EML6: variants seen among roughly 807,000 people sequenced by gnomAD.
EML6 encodes echinoderm microtubule-associated protein-like 6.
A neutral mutation model predicts 240.1 loss-of-function variants in EML6; 154 were observed. The observed-to-expected ratio is 0.64, with a 90% CI of 0.56 to 0.73. The LOEUF is 0.73. EML6 is among the 30% of genes least tolerant of loss of function. The probability of loss-of-function intolerance (pLI) is 0.00; values close to 1 mark genes in which losing one functional copy is unlikely to be tolerated. For missense variants in EML6, 2,964 were observed against 2,474.6 expected, an observed-to-expected ratio of 1.20 and a Z score of -4.20; for synonymous variants, 1,148 against 899.0, an observed-to-expected ratio of 1.28 and a Z score of -4.95.
intron 2 of EML6, among the ~76,000 whole-genome samples, chr2:54,765,318 C>G (rs1668136797): frequency 6.6e-6 from 1 of 152,162 alleles, no homozygotes; most frequent in Non-Finnish European, 1.5e-5. Context: ...TCTTCTTAAA[C>G]AATGGCTAAA....
At chr2:54,898,529 A>G (rs1403887713) in intron 21 of EML6, among the ~76,000 whole-genome samples, 1 of 152,124 alleles carries the variant, frequency 6.6e-6, no homozygotes, top group Non-Finnish European at 1.5e-5. Flanking sequence ...TTCAAAAACA[A>G]TGTCTGTATC....
chr2:54,964,259 A>G, intron 37 of EML6, 101 bp downstream of exon 37: 1 of 1,231,924 alleles, frequency 8.1e-7, no homozygotes, highest in Non-Finnish European at 1.1e-6. Flanking sequence ...CTCAGTTGTG[A>G]GAGGGTCACT....
intron 12 of EML6, among the ~76,000 whole-genome samples, chr2:54,861,626 T>C (rs1170034711): frequency 3.3e-5 from 5 of 152,102 alleles, no homozygotes; most frequent in Admixed American, 2.6e-4. Flanking sequence ...ACATGGCACA[T>C]CTTAAGCTCT....
intron 2 of EML6, among the ~76,000 whole-genome samples, chr2:54,776,198 C>G (rs1292979690): frequency 1.3e-5 from 2 of 151,950 alleles, no homozygotes; most frequent in Non-Finnish European, 2.9e-5. Context: ...GTTTCTGACT[C>G]TAGTGATAAG....
At chr2:54,901,819 A>G (rs1452474818) in intron 22 of EML6, among the ~76,000 whole-genome samples, 1 of 152,246 alleles carries the variant, frequency 6.6e-6, no homozygotes, top group Non-Finnish European at 1.5e-5. Flanking sequence ...GGGTGTGCTT[A>G]CAACGCTCGA....
chr2:54,915,212 C>T (rs563284919), intron 25 of EML6, among the ~76,000 whole-genome samples: 143 of 152,308 alleles, frequency 9.4e-4, no homozygotes, highest in Non-Finnish European at 1.9e-4. Flanking sequence ...ACATTTGCTT[C>T]CCCTGGAGAA....
intron 28 of EML6, among the ~76,000 whole-genome samples, chr2:54,944,367 A>G (rs1675576716): frequency 6.6e-6 from 1 of 152,014 alleles, no homozygotes; most frequent in Admixed American, 6.6e-5. Context: ...TGCTTTTCCT[A>G]CTTCATCCCC....
At chr2:54,762,681 C>G (rs1668029237) in intron 2 of EML6, among the ~76,000 whole-genome samples, 1 of 152,182 alleles carries the variant, frequency 6.6e-6, no homozygotes, top group South Asian at 2.1e-4. Flanking sequence ...AATAGGAACT[C>G]CATTTATCTA....
intron 2 of EML6, among the ~76,000 whole-genome samples, chr2:54,764,303 G>A (rs114214444): frequency 0.012 from 1,817 of 152,328 alleles, 32 homozygotes; most frequent in African/African-American, 0.042. Context: ...TACACGTTAT[G>A]AAGTTGGAAA....
At chr2:54,969,846 A>T (rs528565501) in intron 41 of EML6, among the ~76,000 whole-genome samples, 2 of 152,216 alleles carry the variant, frequency 1.3e-5, no homozygotes, top group Non-Finnish European at 2.9e-5. Context: ...CAGACATTCA[A>T]ACTGCTGAAA....
intron 2 of EML6, among the ~76,000 whole-genome samples, chr2:54,790,724 C>G (rs1406052803): frequency 8.1e-6 from 1 of 123,302 alleles, no homozygotes; most frequent in African/African-American, 3.2e-5. Flanking sequence ...CTTAATTTTC[C>G]TTTTTTTTTT....
At position 54,971,708 on chromosome 2, in the gene EML6, T is replaced by C. The variant is rs1677021013; in HGVS notation, c.*1613T>C. On this transcript the variant is annotated 3_prime_UTR_variant, in exon 42 of 42. Transcript: ENST00000356458. ...TAACCATGTGACTGGTGATGCAGAG[T>C]GATAACCATGTCTGCCTATCTTGTA... 6.6e-6 allele frequency: 1 copy of C among 152,188 alleles called. No homozygotes were observed. The highest frequency in any genetic ancestry group is 1.5e-5 in the Non-Finnish European group (1 of 68,040). 9.4% of individuals were successfully genotyped at this position (152,188 alleles called of 1,614,324 possible). A position where few individuals can be genotyped will look rare whatever the true frequency, so the allele number is the denominator to read the frequency against.
rs1381252342 is a variant in EML6 at position 54,928,391 on chromosome 2, G to C, written c.3754G>C (p.Val1252Leu). ...CGTGAGGTGGCTGCACAATGACTCT[G>C]TGCTGCTCACGGTGGGCGGCGCCGA... ...TNVRWLHNDS[V>L]LLTVGGADTA... The change falls in exon 27 of 42, where the codon GTG becomes CTG. Residue 1252 changes from valine (V) to leucine (L), a missense_variant. Coordinates refer to ENST00000356458, the MANE Select transcript of EML6 (RefSeq NM_001039753.4). 2 of 1,552,002 alleles carry C rather than the reference G, an allele frequency of 1.3e-6. No homozygotes were observed. The highest frequency in any genetic ancestry group is 1.7e-6 in the Non-Finnish European group (2 of 1,147,050).
intron 2 of EML6, among the ~76,000 whole-genome samples, chr2:54,799,097 G>A (rs1669974605): frequency 1.3e-5 from 2 of 152,058 alleles, no homozygotes; most frequent in South Asian, 4.1e-4. Flanking sequence ...GTCTTGTTCT[G>A]TCTCCCAGGC....
intron 35 of EML6, among the ~76,000 whole-genome samples, chr2:54,961,186 T>TGTTTTTTTTTTTTTGTTTTTTTG (rs796179489): frequency 2.1e-5 from 2 of 93,166 alleles, no homozygotes; most frequent in Non-Finnish European, 2.1e-5. Flanking sequence ...AGGAAGTAGT[T>TGTTTTTTTTTTTTTGTTTTTTTG]TTTTTTTTTT....
intron 17 of EML6, among the ~76,000 whole-genome samples, chr2:54,884,748 T>C (rs1419790545): frequency 1.3e-5 from 2 of 152,266 alleles, no homozygotes; most frequent in African/African-American, 4.8e-5. Context: ...TGGCATTGTA[T>C]AAATACAAGG....
intron 2 of EML6, among the ~76,000 whole-genome samples, chr2:54,801,250 G>C (rs1434548401): frequency 6.7e-6 from 1 of 148,680 alleles, no homozygotes; most frequent in East Asian, 2.0e-4. Context: ...GGGAGGTGGA[G>C]CTTGCAGTGA....
intron 2 of EML6, among the ~76,000 whole-genome samples, chr2:54,803,270 A>C (rs1670278392): frequency 6.6e-6 from 1 of 152,172 alleles, no homozygotes; most frequent in Non-Finnish European, 1.5e-5. Flanking sequence ...CATGAACATA[A>C]ATGATCAAAG....
intron 7 of EML6, among the ~76,000 whole-genome samples, chr2:54,835,902 G>A (rs754502466): frequency 5.3e-5 from 8 of 152,168 alleles, no homozygotes; most frequent in Non-Finnish European, 8.8e-5. Flanking sequence ...TGCAGAGAAC[G>A]TCCAAAAGAC....
Sources: gnomAD v4.1 joint callset for allele counts (sites outside exome capture counted in the v4.1 genomes callset) on GRCh38, gnomAD v4.1.1 for gene constraint, MANE v1.5 for transcripts, NCBI Gene and HGNC (gene_info 2026-07-23, HGNC 2026-07-21) for gene names.